Variants in CADPS2 observed in about 807,000 individuals in gnomAD.
The protein encoded by CADPS2 is calcium-dependent secretion activator 2.
Under a neutral mutation model 172.5 loss-of-function variants are expected in CADPS2, and 93 were observed. The ratio of observed to expected loss-of-function variants is 0.54; its 90% CI spans 0.46 to 0.64. The LOEUF (loss-of-function observed/expected upper bound fraction) is 0.64. CADPS2 is among the 30% of genes least tolerant of loss of function. The pLI is 0.00. For missense variants in CADPS2, 1,420 were observed against 1,565.9 expected (o/e 0.91, Z 1.57); for synonymous variants, 546 against 555.2 (o/e 0.98, Z 0.23).
At chr7:122,488,352 A>C (rs1193227069) in intron 11 of CADPS2, among the ~76,000 whole-genome samples, 1 of 152,198 alleles carries the variant, frequency 6.6e-6, no homozygotes, top group African/African-American at 2.4e-5. Context: ...TTGAAGTAGG[A>C]AAGAAGCAGT....
intron 8 of CADPS2, among the ~76,000 whole-genome samples, chr7:122,541,340 G>A (rs2062908779): frequency 6.8e-6 from 1 of 146,978 alleles, no homozygotes; most frequent in Non-Finnish European, 1.5e-5. Context: ...AGGATTACAG[G>A]CGCCCACCAC....
At chr7:122,452,470 A>G (rs1363348432) in intron 14 of CADPS2, among the ~76,000 whole-genome samples, 1 of 152,220 alleles carries the variant, frequency 6.6e-6, no homozygotes, top group Non-Finnish European at 1.5e-5. Flanking sequence ...ATCTTGGCTC[A>G]GTGCAACCTC....
intron 2 of CADPS2, among the ~76,000 whole-genome samples, chr7:122,686,623 G>A (rs1364689261): frequency 2.0e-5 from 3 of 152,108 alleles, no homozygotes; most frequent in Non-Finnish European, 4.4e-5. Flanking sequence ...TTTTCCCTGG[G>A]GACAGAAAGT....
chr7:122,723,487 C>T (rs2090719118), intron 2 of CADPS2, among the ~76,000 whole-genome samples: 1 of 152,176 alleles, frequency 6.6e-6, no homozygotes, highest in Non-Finnish European at 1.5e-5. Context: ...GATACCATCT[C>T]AAACCAGTTA....
chr7:122,816,501 A>G (rs1369902627), intron 1 of CADPS2, among the ~76,000 whole-genome samples: 3 of 152,232 alleles, frequency 2.0e-5, no homozygotes, highest in African/African-American at 4.8e-5. Context: ...TAAACCTGAA[A>G]GTACAGGTAG....
At chr7:122,402,409 G>A (rs760632562) in intron 20 of CADPS2, among the ~76,000 whole-genome samples, 19 of 152,118 alleles carry the variant, frequency 1.2e-4, no homozygotes, top group Non-Finnish European at 2.4e-4. Flanking sequence ...CAAGCCCCCC[G>A]CCCGAGTTCC....
chr7:122,404,238 C>T (rs2057787), intron 20 of CADPS2, among the ~76,000 whole-genome samples: 43,445 of 151,322 alleles, frequency 0.29, 6,310 homozygotes, highest in East Asian at 0.36. Flanking sequence ...TGAGAATATA[C>T]GGTGTTTGGT....
At chr7:122,352,530 A>G (rs2038824756) in intron 27 of CADPS2, among the ~76,000 whole-genome samples, 1 of 152,196 alleles carries the variant, frequency 6.6e-6, no homozygotes, top group Non-Finnish European at 1.5e-5. Context: ...AAAGGAATAA[A>G]GAAGCAAAAC....
chr7:122,524,101 A>C (rs979208270), intron 8 of CADPS2, among the ~76,000 whole-genome samples: 11 of 152,190 alleles, frequency 7.2e-5, no homozygotes, highest in African/African-American at 2.7e-4. Context: ...ATACTCTATT[A>C]AGCTTTCCTT....
intron 15 of CADPS2, among the ~76,000 whole-genome samples, chr7:122,449,421 T>TC (rs1242002121): frequency 6.6e-6 from 1 of 152,030 alleles, no homozygotes; most frequent in Admixed American, 6.6e-5. Flanking sequence ...GCTCAAGTGA[T>TC]CCTCCCACAT....
chr7:122,652,245 C>A (rs996950699), intron 3 of CADPS2, among the ~76,000 whole-genome samples: 4 of 152,186 alleles, frequency 2.6e-5, no homozygotes, highest in African/African-American at 9.6e-5. Context: ...CTCTCTCTCT[C>A]TCTCTACATA....
rs1353806084 is a variant in CADPS2, at chr7:122,320,212, GTCCTCCTCC to G, written c.3835_3843del (p.Gly1279_Gly1281del). The G allele has an allele frequency of 2.5e-6, 4 of 1,612,728 alleles. No individual in the cohort carries two copies. Among genetic ancestry groups the G allele is most frequent in the Non-Finnish European group, 3.4e-6 (4 of 1,179,222 alleles). ...CTGTCTTTCATAGTAATGCCCTGAA[GTCCTCCTCC>G]TTCTGAAACAGAGGCTGTGGCCTCC... On this transcript the variant is annotated inframe_deletion, in exon 30 of 30. Coordinates refer to ENST00000449022, the MANE Select transcript of CADPS2 (RefSeq NM_017954.11).
intron 2 of CADPS2, among the ~76,000 whole-genome samples, chr7:122,734,745 T>C (rs1006080864): frequency 2.0e-5 from 3 of 152,162 alleles, no homozygotes; most frequent in East Asian, 3.9e-4. Flanking sequence ...TTCAAGAGTT[T>C]GTTGCATACC....
chr7:122,398,319 AG>A (rs2045441443), intron 20 of CADPS2, among the ~76,000 whole-genome samples: 1 of 152,218 alleles, frequency 6.6e-6, no homozygotes, highest in South Asian at 2.1e-4. Context: ...TATTGTTTTT[AG>A]GGTAAAAATA....
chr7:122,809,386 G>A, intron 1 of CADPS2, among the ~76,000 whole-genome samples: 1 of 150,282 alleles, frequency 6.7e-6, no homozygotes, highest in South Asian at 2.1e-4. Context: ...TGGCCAAGAT[G>A]GTGAAACCCC....
intron 27 of CADPS2, among the ~76,000 whole-genome samples, chr7:122,350,546 T>C (rs1034447153): frequency 7.9e-5 from 12 of 152,210 alleles, no homozygotes; most frequent in Non-Finnish European, 1.5e-4. Flanking sequence ...TGTAAAAAAC[T>C]AAATACAGTT....
intron 4 of CADPS2, among the ~76,000 whole-genome samples, chr7:122,626,419 G>A (rs897143264): frequency 2.6e-5 from 4 of 152,164 alleles, no homozygotes; most frequent in Admixed American, 1.3e-4. Context: ...TTTGCATGAG[G>A]TATGAGAAAA....
chr7:122,499,462 C>T (rs557295682), intron 9 of CADPS2, among the ~76,000 whole-genome samples: 125 of 152,164 alleles, frequency 8.2e-4, no homozygotes, highest in African/African-American at 2.9e-3. Context: ...ACTTGACCTA[C>T]GTATTTAAAA....
chr7:122,372,890 CTAAT>C lies in CADPS2; in HGVS notation c.3387+6474_3387+6477del, dbSNP rs1443220635. On this transcript the variant is annotated intron_variant, in intron 25 of 29. Transcript: ENST00000449022. ...TCAGAGGTTTGGATCCTGATTCTCA[CTAAT>C]TAATTAGGTGTTTGATGCTCATCAG... Among the ~76,000 whole-genome samples the C allele has an allele frequency of 6.6e-5, 10 of 152,242 alleles. No homozygotes were observed. In the South Asian group the frequency reaches 1.7e-3, roughly 25 times the overall value.
Sources: allele counts gnomAD v4.1 joint callset (sites outside exome capture counted in the v4.1 genomes callset), GRCh38; gene constraint gnomAD v4.1.1; transcripts MANE v1.5; gene names NCBI Gene and HGNC (gene_info 2026-07-23, HGNC 2026-07-21).